CLIC5: variants seen among roughly 807,000 people sequenced by gnomAD.
CLIC5 encodes chloride intracellular channel protein 5.
CLIC5 carries 20 observed loss-of-function variants against 24.7 expected under a neutral mutation model. The ratio of observed to expected loss-of-function variants is 0.81; its 90% CI spans 0.57 to 1.18. The LOEUF is 1.18. CLIC5 is among the 50% of genes most tolerant of loss of function. CLIC5 has a pLI of 0.00. For missense variants in CLIC5, 341 were observed against 326.1 expected (o/e 1.05, Z -0.35); for synonymous variants, 159 against 135.6 (o/e 1.17, Z -1.20).
At chr6:46,048,397 T>A (rs1286795849) in intron 1 of CLIC5, among the ~76,000 whole-genome samples, 1 of 152,200 alleles carries the variant, frequency 6.6e-6, no homozygotes. Context: ...TAGGGCTGCC[T>A]CTGCTCCTAA....
intron 5 of CLIC5, among the ~76,000 whole-genome samples, chr6:45,909,368 T>C (rs565552347): frequency 1.3e-5 from 2 of 152,340 alleles, no homozygotes; most frequent in Non-Finnish European, 2.9e-5. Context: ...GCTTGCTTTA[T>C]AGGGTCTGTT....
At chr6:45,987,744 A>G (rs1765792929) in intron 1 of CLIC5, among the ~76,000 whole-genome samples, 1 of 152,158 alleles carries the variant, frequency 6.6e-6, no homozygotes. Flanking sequence ...AGAGGGAGAG[A>G]GAGAGAGAAT....
chr6:46,060,329 T>TG (rs1424554033), intron 1 of CLIC5, among the ~76,000 whole-genome samples: 4 of 152,284 alleles, frequency 2.6e-5, no homozygotes, highest in African/African-American at 9.6e-5. Context: ...GAAATCAAAC[T>TG]GACAATTATG....
chr6:45,908,898 T>C (rs143969141), intron 5 of CLIC5, among the ~76,000 whole-genome samples: 1 of 152,266 alleles, frequency 6.6e-6, no homozygotes, highest in African/African-American at 2.4e-5. Flanking sequence ...TTATTGTGTG[T>C]TGTTGCTAAG....
intron 1 of CLIC5, among the ~76,000 whole-genome samples, chr6:46,068,172 CAAGA>C (rs1363918857): frequency 6.6e-6 from 1 of 152,112 alleles, no homozygotes; most frequent in African/African-American, 2.4e-5. Context: ...CTAAAAAGTA[CAAGA>C]AAGAACTCTC....
chr6:45,967,324 G>T (rs2127399952), intron 1 of CLIC5, among the ~76,000 whole-genome samples: 1 of 152,324 alleles, frequency 6.6e-6, no homozygotes, highest in Admixed American at 6.5e-5. Context: ...CTCTTGAGAA[G>T]CTATCACACA....
At chr6:46,058,430 A>G (rs1027707790) in intron 1 of CLIC5, among the ~76,000 whole-genome samples, 9 of 152,224 alleles carry the variant, frequency 5.9e-5, no homozygotes, top group African/African-American at 2.2e-4. Flanking sequence ...CCAAGGCTAA[A>G]GAGTTAGTAA....
chr6:46,042,392 G>C (rs1296961613), intron 1 of CLIC5, among the ~76,000 whole-genome samples: 1 of 151,920 alleles, frequency 6.6e-6, no homozygotes, highest in Non-Finnish European at 1.5e-5. Context: ...GTTTTGGGTA[G>C]TTTTTTCTTT....
chr6:46,025,488 T>G (rs1363014293), intron 1 of CLIC5, among the ~76,000 whole-genome samples: 1 of 152,172 alleles, frequency 6.6e-6, no homozygotes, highest in Non-Finnish European at 1.5e-5. Context: ...TCCCAGGTTG[T>G]TAGAGTCCCA....
chr6:46,051,229 G>A (rs1343069239), intron 1 of CLIC5, among the ~76,000 whole-genome samples: 1 of 152,198 alleles, frequency 6.6e-6, no homozygotes, highest in Non-Finnish European at 1.5e-5. Context: ...GGCCCTTGGG[G>A]CAATGGTACT....
chr6:45,999,553 TACA>T (rs1766272412), intron 1 of CLIC5, among the ~76,000 whole-genome samples: 1 of 152,122 alleles, frequency 6.6e-6, no homozygotes, highest in Non-Finnish European at 1.5e-5. Context: ...GATCCACTTA[TACA>T]TGGATAAGTA....
At chr6:45,891,870 A>C (rs2127284094) in intron 6 of CLIC5, among the ~76,000 whole-genome samples, 1 of 152,286 alleles carries the variant, frequency 6.6e-6, no homozygotes, top group South Asian at 2.1e-4. Flanking sequence ...TAAATAAATA[A>C]ATGTACAACT....
rs75780343 is a variant in CLIC5, at chr6:45,912,742, A to G, written c.588+1486T>C. 3.1e-3 allele frequency: 4,811 copies of G among 1,529,020 alleles called. 135 individuals are homozygous for G. The Admixed American group carries it at 0.054, about 17-fold the overall frequency. 94.7% of individuals were successfully genotyped at this position (1,529,020 alleles called of 1,614,324 possible). ...ATCCCTTTCAGTGGTACTTGTTCCTAAGGAGAAGAAGAATAAAGGATGATG... is the reference window on the plus strand; with the variant it reads ...ATCCCTTTCAGTGGTACTTGTTCCTGAGGAGAAGAAGAATAAAGGATGATG... On this transcript the variant is annotated intron_variant, in intron 5 of 5. Transcript: ENST00000339561.
chr6:45,959,372 A>C (rs1561965251), intron 1 of CLIC5, among the ~76,000 whole-genome samples: 1 of 152,262 alleles, frequency 6.6e-6, no homozygotes, highest in South Asian at 2.1e-4. Context: ...ACAACATCTT[A>C]ACACAAAATA....
At chr6:45,931,850 TG>T (rs1763748619) in intron 4 of CLIC5, among the ~76,000 whole-genome samples, 1 of 152,088 alleles carries the variant, frequency 6.6e-6, no homozygotes, top group African/African-American at 2.4e-5. Context: ...TAGTAGAGAC[TG>T]GGTTTTGCCA....
chr6:45,968,373 A>G (rs1434839238), intron 1 of CLIC5, among the ~76,000 whole-genome samples: 1 of 152,164 alleles, frequency 6.6e-6, no homozygotes, highest in African/African-American at 2.4e-5. Context: ...TGAAGCTTCA[A>G]TAGTGGGGTT....
At chr6:46,102,870 A>C in the CLIC5 span, among the ~76,000 whole-genome samples, 785 of 152,358 alleles carry the variant, frequency 5.2e-3, 13 homozygotes, top group African/African-American at 0.018. Flanking sequence ...AGAAAGAAAC[A>C]CAAGACTGGG....
intron 6 of CLIC5, among the ~76,000 whole-genome samples, chr6:45,883,983 C>T (rs1762283113): frequency 6.6e-6 from 1 of 152,060 alleles, no homozygotes; most frequent in Non-Finnish European, 1.5e-5. Flanking sequence ...CAGGTTGGGA[C>T]CAGACCATGA....
intron 1 of CLIC5, among the ~76,000 whole-genome samples, chr6:46,068,224 C>T (rs1351277995): frequency 6.6e-6 from 1 of 152,084 alleles, no homozygotes; most frequent in Non-Finnish European, 1.5e-5. Flanking sequence ...CCTGACAATA[C>T]CCTATCTTTA....
Sources: allele counts gnomAD v4.1 joint callset (sites outside exome capture counted in the v4.1 genomes callset), GRCh38; gene constraint gnomAD v4.1.1; transcripts MANE v1.5; gene names NCBI Gene and HGNC (gene_info 2026-07-23, HGNC 2026-07-21).